EXOC6B: variants seen among roughly 807,000 people sequenced by gnomAD.
The protein encoded by EXOC6B is exocyst complex component 6B.
Under a neutral mutation model 113.5 loss-of-function variants are expected in EXOC6B, and 54 were observed. The ratio of observed to expected loss-of-function variants is 0.48; its 90% CI spans 0.38 to 0.60. The LOEUF (loss-of-function observed/expected upper bound fraction) is 0.60, where lower values mean the gene tolerates loss of function less well. EXOC6B is among the 20% of genes least tolerant of loss of function. EXOC6B has a pLI of 0.00. For missense variants in EXOC6B, 797 were observed against 977.5 expected (o/e 0.82, Z 2.46); for synonymous variants, 357 against 339.0 (o/e 1.05, Z -0.58).
chr2:72,750,686 C>G (rs1681983746), intron 1 of EXOC6B, among the ~76,000 whole-genome samples: 1 of 151,964 alleles, frequency 6.6e-6, no homozygotes, highest in African/African-American at 2.4e-5. Flanking sequence ...AGCCTTCTCA[C>G]AGAAGGGAGG....
intron 17 of EXOC6B, among the ~76,000 whole-genome samples, chr2:72,474,742 T>C (rs954944284): frequency 1.3e-5 from 2 of 152,186 alleles, no homozygotes; most frequent in African/African-American, 4.8e-5. Flanking sequence ...TTTAACTTCT[T>C]TTTCTGAGAT....
intron 1 of EXOC6B, among the ~76,000 whole-genome samples, chr2:72,744,196 T>G (rs1461540610): frequency 1.3e-5 from 2 of 152,182 alleles, no homozygotes; most frequent in Non-Finnish European, 2.9e-5. Context: ...TACTCTATGA[T>G]GTTCACACAA....
intron 20 of EXOC6B, among the ~76,000 whole-genome samples, chr2:72,290,710 A>C (rs1480178730): frequency 6.6e-6 from 1 of 151,968 alleles, no homozygotes; most frequent in East Asian, 1.9e-4. Flanking sequence ...AAACGTTTTT[A>C]ATATTCACAA....
intron 18 of EXOC6B, among the ~76,000 whole-genome samples, chr2:72,457,999 C>T (rs1378535602): frequency 1.3e-5 from 2 of 152,092 alleles, no homozygotes; most frequent in African/African-American, 2.4e-5. Flanking sequence ...CTGACGTATT[C>T]CGTTGGCTAT....
At chr2:72,564,047 A>G (rs1704030119) in intron 7 of EXOC6B, among the ~76,000 whole-genome samples, 1 of 152,196 alleles carries the variant, frequency 6.6e-6, no homozygotes, top group African/African-American at 2.4e-5. Flanking sequence ...TAAAAATATG[A>G]TAACTCTACC....
At chr2:72,744,839 C>T (rs1681593561) in intron 1 of EXOC6B, among the ~76,000 whole-genome samples, 1 of 151,954 alleles carries the variant, frequency 6.6e-6, no homozygotes, top group Admixed American at 6.6e-5. Flanking sequence ...TTAATAATGC[C>T]TCCCTAGGCT....
intron 20 of EXOC6B, among the ~76,000 whole-genome samples, chr2:72,214,487 CAA>C (rs11355575): frequency 0.041 from 4,291 of 105,174 alleles, 193 homozygotes; most frequent in African/African-American, 0.12. Flanking sequence ...TGAGACTTGT[CAA>C]AAAAAAAAAA....
chr2:72,436,409 G>A (rs950240993), intron 18 of EXOC6B, among the ~76,000 whole-genome samples: 1 of 152,066 alleles, frequency 6.6e-6, no homozygotes, highest in African/African-American at 2.4e-5. Flanking sequence ...TATCTTTGTG[G>A]TGTTCTCTGT....
intron 3 of EXOC6B, among the ~76,000 whole-genome samples, chr2:72,732,722 A>G (rs1197657259): frequency 6.6e-6 from 1 of 152,200 alleles, no homozygotes; most frequent in Non-Finnish European, 1.5e-5. Flanking sequence ...GTGAGACTAC[A>G]ATTTCAAATA....
intron 6 of EXOC6B, among the ~76,000 whole-genome samples, chr2:72,588,848 A>G (rs1276811420): frequency 6.6e-6 from 1 of 152,046 alleles, no homozygotes; most frequent in African/African-American, 2.4e-5. Flanking sequence ...ATTTGTGTGA[A>G]GCAATAATGA....
intron 6 of EXOC6B, among the ~76,000 whole-genome samples, chr2:72,632,049 AAGTC>A (rs1157892152): frequency 3.3e-5 from 5 of 152,198 alleles, no homozygotes; most frequent in African/African-American, 1.2e-4. Context: ...AAAATCAAAA[AAGTC>A]AGAAAGATGA....
chr2:72,824,927 G>A (rs1329164622), intron 1 of EXOC6B, among the ~76,000 whole-genome samples: 1 of 152,142 alleles, frequency 6.6e-6, no homozygotes, highest in Admixed American at 6.5e-5. Flanking sequence ...TTTTCTCTGT[G>A]ACCTTGGGCA....
At chr2:72,307,195 C>T (rs1005782378) in intron 20 of EXOC6B, among the ~76,000 whole-genome samples, 5 of 113,618 alleles carry the variant, frequency 4.4e-5, no homozygotes, top group African/African-American at 1.3e-4. Context: ...CTTGCTCTGT[C>T]GCCAGGCTGG....
chr2:72,308,140 C>T lies in EXOC6B; in HGVS notation c.2196+26807G>A, dbSNP rs189828850. On this transcript the variant is annotated intron_variant, in intron 20 of 21. Transcript: ENST00000272427. ...AAGAAGGAATACTCAGCAAAGACCA[C>T]AACACCTCAATATTTTCTTTTTCCA... 6.6e-5 allele frequency among the ~76,000 whole-genome samples: 10 copies of T among 152,278 alleles called. No individual in the cohort carries two copies. The East Asian group carries it at 1.9e-3, about 29-fold the overall frequency.
At chr2:72,498,621 G>C in intron 12 of EXOC6B, 70 bp from the exon 13 acceptor site, 1 of 673,530 alleles carries the variant, frequency 1.5e-6, no homozygotes, top group Non-Finnish European at 2.2e-6. Flanking sequence ...TTTTTTTTTT[G>C]GCAAAATGAG....
chr2:72,258,280 T>C (rs1309406626), intron 20 of EXOC6B, among the ~76,000 whole-genome samples: 2 of 152,046 alleles, frequency 1.3e-5, no homozygotes, highest in African/African-American at 2.4e-5. Flanking sequence ...TGTTTTATCT[T>C]GATGTTCTCA....
intron 19 of EXOC6B, among the ~76,000 whole-genome samples, chr2:72,377,683 T>C (rs1691437095): frequency 6.6e-6 from 1 of 152,138 alleles, no homozygotes; most frequent in Non-Finnish European, 1.5e-5. Context: ...GACAGCAGAA[T>C]GGTGGCTGCA....
intron 18 of EXOC6B, among the ~76,000 whole-genome samples, chr2:72,420,090 T>C (rs1694780810): frequency 6.6e-6 from 1 of 152,232 alleles, no homozygotes; most frequent in African/African-American, 2.4e-5. Flanking sequence ...TGGATATCTT[T>C]AGTGAATTTT....
intron 20 of EXOC6B, among the ~76,000 whole-genome samples, chr2:72,197,299 C>CA (rs1679231836): frequency 6.6e-6 from 1 of 152,126 alleles, no homozygotes; most frequent in Non-Finnish European, 1.5e-5. Context: ...CAGTAAGTGA[C>CA]AGAGTCAGGA....
Sources: gnomAD v4.1 joint callset for allele counts (sites outside exome capture counted in the v4.1 genomes callset) on GRCh38, gnomAD v4.1.1 for gene constraint, MANE v1.5 for transcripts, NCBI Gene and HGNC (gene_info 2026-07-23, HGNC 2026-07-21) for gene names.